The following MARF1 variants were observed in gnomAD, a reference collection of about 807,000 sequenced individuals.
MARF1 encodes the protein limkain-b1.
A neutral mutation model predicts 168.2 loss-of-function variants in MARF1; 24 were observed. The observed-to-expected ratio is 0.14, with a 90% confidence interval of 0.10 to 0.20. MARF1 has a LOEUF of 0.20. Among genes scored for constraint, MARF1 ranks in the 10% least tolerant of loss-of-function variants. MARF1 has a pLI of 1.00. For missense variants in MARF1, 1,744 were observed against 2,143.6 expected, an observed-to-expected ratio of 0.81 and a Z score of 3.68; for synonymous variants, 868 against 822.4, an observed-to-expected ratio of 1.06 and a Z score of -0.95.
chr16:15,601,199 C>T (rs570176975), intron 23 of MARF1: 5 of 406,796 alleles, frequency 1.2e-5, no homozygotes, highest in South Asian at 8.9e-5. Flanking sequence ...CCTACATGTG[C>T]ACACCGTCGC....
In MARF1 at chr16:15,631,561, C is replaced by G. The variant is rs2035257045; in HGVS notation, c.1234-63G>C. On this transcript the variant is annotated intron_variant, in intron 5 of 26. Transcript: ENST00000396368. ...TGAGGCTAGAAAATTGCTACACATT[C>G]TGCCCATATTTTTTATTTTTTAAAT... 8.8e-6 allele frequency: 10 copies of G among 1,135,850 alleles called. No individual in the cohort carries two copies. In the South Asian group the frequency reaches 1.2e-4, roughly 14 times the overall value. 70.4% of individuals were successfully genotyped at this position (1,135,850 alleles called of 1,614,324 possible).
At chr16:15,604,109 C>G (rs1012616069) in intron 22 of MARF1, 59 bp downstream of exon 22, 2 of 1,321,638 alleles carry the variant, frequency 1.5e-6, no homozygotes, top group Non-Finnish European at 2.2e-6. Flanking sequence ...TCAGGTAATC[C>G]GGAAATGCCC....
At position 15,639,207 on chromosome 16, in the gene MARF1, G is replaced by C. The variant is rs769392299; in HGVS notation, c.27C>G (p.Asn9Lys). The C allele has an allele frequency of 2.5e-6, 4 of 1,613,804 alleles. No homozygotes were observed. The Admixed American group carries it at 5.0e-5, about 20-fold the overall frequency. ...GCCATCCACGTGTTCTACTGCAGGA[G>C]TTCTCAGTTCCGTTTCCTTCCATCA... MMEGNGTE[N>K]SCSRTRGWLQ... The change falls in exon 2 of 27, where the codon AAC becomes AAG. Residue 9 changes from asparagine to lysine, a missense_variant. Asn to Lys is a moderately conservative substitution (Grantham distance 94). Around this residue, in one of 7 missense-constraint regions of MARF1, gnomAD observed 318 missense variants for 336.6 expected, o/e 0.94. Transcript: ENST00000396368.
chr16:15,620,264 T>C (rs1269443478), intron 13 of MARF1, among the ~76,000 whole-genome samples, 187 bp downstream of exon 13: 1 of 152,156 alleles, frequency 6.6e-6, no homozygotes, highest in Non-Finnish European at 1.5e-5. Context: ...AGGTCTAACT[T>C]TGTTAAAAAT....
chr16:15,621,130 T>G (rs2034429556), intron 12 of MARF1, among the ~76,000 whole-genome samples: 1 of 151,932 alleles, frequency 6.6e-6, no homozygotes. Context: ...TAACTCGTAA[T>G]TTAAGTAATA....
chr16:15,597,037 ATAAAAAGC>A lies in MARF1; in HGVS notation c.4985-108_4985-101del, dbSNP rs1021008644. The A allele has an allele frequency of 6.0e-6, 8 of 1,338,772 alleles. No individual in the cohort carries two copies. In the African/African-American group the frequency reaches 1.2e-4, roughly 20 times the overall value. The allele number at this position is 1,338,772 out of a possible 1,614,324, so 82.9% of individuals were successfully genotyped here. A position where few individuals can be genotyped will look rare whatever the true frequency, so the allele number is the denominator to read the frequency against. On this transcript the variant is annotated intron_variant, in intron 26 of 26. Transcript: ENST00000396368. ...ATTTTCTCAAAAGATAATAATAGTAATAAAAAGCTTCTAAATGCTACATCTATGCCACA... is the reference window on the plus strand; with the variant it reads ...ATTTTCTCAAAAGATAATAATAGTAATTCTAAATGCTACATCTATGCCACA...
Position 15,625,179 on chromosome 16 carries a change from A to G in MARF1, c.1954-6T>C, listed in dbSNP as rs1269370333. The G allele has an allele frequency of 2.5e-6, 4 of 1,613,602 alleles. No individual in the cohort carries two copies. Among genetic ancestry groups the G allele is most frequent in the Non-Finnish European group, 3.4e-6 (4 of 1,179,694 alleles). On this transcript the variant is annotated splice_polypyrimidine_tract_variant and splice_region_variant and intron_variant, in intron 8 of 26. Transcript: ENST00000396368. ...GACTCCATGCGGCACAGCTCCTTCA[A>G]AGACACAAGCACAGTGGGGTTTAAA...
At chr16:15,620,371 C>G (rs2034368332) in intron 13 of MARF1, 80 bp downstream of exon 13, 2 of 774,310 alleles carry the variant, frequency 2.6e-6, no homozygotes, top group African/African-American at 1.8e-5. Context: ...TGAAGTTCCT[C>G]AAGAGTCATT....
At chr16:15,628,649 T>A (rs376964871) in intron 7 of MARF1, among the ~76,000 whole-genome samples, 4 of 152,128 alleles carry the variant, frequency 2.6e-5, no homozygotes, top group African/African-American at 9.7e-5. Flanking sequence ...CCTTAGGTGA[T>A]TGGTGATCTG....
chr16:15,624,670 G>A, intron 10 of MARF1, 99 bp downstream of exon 10: 1 of 1,134,444 alleles, frequency 8.8e-7, no homozygotes, highest in South Asian at 1.5e-5. Flanking sequence ...CTTACTTTGT[G>A]CATTTCAGTA....
In MARF1 at chr16:15,615,862, C is replaced by A; in HGVS notation, c.3221G>T (p.Trp1074Leu). 6.3e-7 allele frequency: 1 copy of A among 1,584,870 alleles called. No homozygotes were observed. Among genetic ancestry groups the A allele is most frequent in the Non-Finnish European group, 8.6e-7 (1 of 1,164,896 alleles). The change falls in exon 16 of 27, where the codon TGG (tryptophan) becomes TTG (leucine). Residue 1074 changes from tryptophan (W) to leucine (L), a missense_variant. Physicochemically the swap from Trp to Leu is moderately conservative, Grantham distance 61. This residue lies in a region of MARF1 where 543 missense variants were observed against 742.1 expected (regional missense o/e 0.73). Transcript: ENST00000396368. ...GGGAGGCGGGGGCTTGTTGTGAATC[C>A]ATTTAACCACTTTGATGCCATTCTG... ...TAQNGIKVVKWIHNKPPPPNT... is the reference protein window; with the variant it reads ...TAQNGIKVVKLIHNKPPPPNT...
At chr16:15,640,770 C>T (rs899100371) in intron 1 of MARF1, among the ~76,000 whole-genome samples, 20 of 152,206 alleles carry the variant, frequency 1.3e-4, no homozygotes, top group Non-Finnish European at 1.5e-4. Flanking sequence ...GACACAGACA[C>T]ACTCATTCAC....
chr16:15,631,270 A>G (rs1270969336), intron 6 of MARF1, 111 bp downstream of exon 6: 1 of 720,406 alleles, frequency 1.4e-6, no homozygotes, highest in African/African-American at 1.7e-5. Context: ...AACATGTCTC[A>G]TGTACTTCAG....
chr16:15,625,204 A>G, intron 8 of MARF1, 31 bp from the exon 9 acceptor site: 1 of 1,606,306 alleles, frequency 6.2e-7, no homozygotes, highest in Non-Finnish European at 8.5e-7. Flanking sequence ...TGGGGTTTAA[A>G]TTTTAAGTAC....
intron 25 of MARF1, chr16:15,599,266 T>C (rs547297511): frequency 3.2e-5 from 17 of 538,746 alleles, no homozygotes; most frequent in African/African-American, 5.8e-5. Flanking sequence ...TTAGGAACAC[T>C]GGCCCCTCAA....
chr16:15,596,942 A>G lies in MARF1; in HGVS notation c.4985-5T>C, dbSNP rs1038899767. The stretch of plus-strand genomic sequence containing the variant: ...CTTGGTTTAAAATCATAATTTCTGT[A>G]AACACAGAAAAGCAAACAGATTCAG... On this transcript the variant is annotated splice_polypyrimidine_tract_variant and splice_region_variant and intron_variant, in intron 26 of 26. Coordinates refer to ENST00000396368, the MANE Select transcript of MARF1 (RefSeq NM_014647.4). 5.0e-6 allele frequency: 8 copies of G among 1,593,500 alleles called. No individual in the cohort carries two copies. In the African/African-American group the frequency reaches 8.1e-5, roughly 16 times the overall value.
intron 25 of MARF1, among the ~76,000 whole-genome samples, chr16:15,600,062 A>T (rs2032250080): frequency 6.6e-6 from 1 of 151,850 alleles, no homozygotes; most frequent in African/African-American, 2.4e-5. Flanking sequence ...CTGAGCCCTC[A>T]CTCTGCTCCT....
chr16:15,597,820 T>G (rs1410665447), intron 26 of MARF1, among the ~76,000 whole-genome samples: 2 of 151,852 alleles, frequency 1.3e-5, no homozygotes, highest in African/African-American at 4.9e-5. Context: ...CTAACATCAA[T>G]GTGCCACCAA....
rs772710610 is a variant in MARF1, at chr16:15,602,037, G to A, written c.4580C>T (p.Thr1527Ile). 6.2e-7 allele frequency: 1 copy of A among 1,614,178 alleles called. No homozygotes were observed. The highest frequency in any genetic ancestry group is 2.2e-5 in the East Asian group (1 of 44,884). Residue 1527 changes from threonine (T) to isoleucine (I), a missense_variant, in exon 23 of 27, where the codon ACC becomes ATC. Thr to Ile is a moderately conservative substitution (Grantham distance 89). Transcript: ENST00000396368. The stretch of plus-strand genomic sequence containing the variant: ...CTCCTCCACGCTGCTGTGGCCGTAG[G>A]TCTTGGGCTGCAGAGTTTCTCCGAC... Reference protein sequence around the residue: ...KYVGETLQPKTYGHSSVEELL... With the variant: ...KYVGETLQPKIYGHSSVEELL...
Sources: gnomAD v4.1 joint callset for allele counts (sites outside exome capture counted in the v4.1 genomes callset) on GRCh38, gnomAD v4.1.1 for gene constraint, gnomAD v4.1.1 regional missense constraint, MANE v1.5 for transcripts, NCBI Gene and HGNC (gene_info 2026-07-23, HGNC 2026-07-21) for gene names.